Variants in ALK observed in about 807,000 individuals in gnomAD.
ALK encodes ALK tyrosine kinase receptor.
Under a neutral mutation model 163.1 loss-of-function variants are expected in ALK, and 74 were observed. The ratio of observed to expected loss-of-function variants is 0.45; its 90% CI spans 0.38 to 0.55. ALK has a LOEUF of 0.55. Among genes scored for constraint, ALK ranks in the 20% least tolerant of loss-of-function variants. ALK has a pLI of 0.00. For missense variants in ALK, 2,063 were observed against 2,105.3 expected, an observed-to-expected ratio of 0.98 and a Z score of 0.39; for synonymous variants, 960 against 843.2, an observed-to-expected ratio of 1.14 and a Z score of -2.40.
At chr2:29,846,757 A>G (rs974660895) in intron 1 of ALK, among the ~76,000 whole-genome samples, 4 of 152,230 alleles carry the variant, frequency 2.6e-5, no homozygotes, top group African/African-American at 9.6e-5. Context: ...CATATTAGCC[A>G]CACTTGTTGA....
At chr2:29,883,073 CAG>C (rs1051145289) in intron 1 of ALK, among the ~76,000 whole-genome samples, 1 of 138,602 alleles carries the variant, frequency 7.2e-6, no homozygotes, top group African/African-American at 2.7e-5. Flanking sequence ...AGAGAGACGA[CAG>C]AGAGAGGAAG....
intron 3 of ALK, among the ~76,000 whole-genome samples, chr2:29,593,039 C>A (rs1675106024): frequency 6.6e-6 from 1 of 152,208 alleles, no homozygotes; most frequent in Non-Finnish European, 1.5e-5. Flanking sequence ...TAGCACATGG[C>A]CTGAAGCAAA....
At chr2:29,575,199 G>A (rs1289229936) in intron 3 of ALK, among the ~76,000 whole-genome samples, 3 of 152,102 alleles carry the variant, frequency 2.0e-5, no homozygotes, top group East Asian at 1.9e-4. Context: ...ACGGTGTTGC[G>A]GGGGGAGGTG....
intron 3 of ALK, among the ~76,000 whole-genome samples, chr2:29,556,649 G>T (rs1673870309): frequency 6.6e-6 from 1 of 152,174 alleles, no homozygotes; most frequent in South Asian, 2.1e-4. Context: ...AAGCCTTAGG[G>T]TTTTGCTATT....
intron 4 of ALK, among the ~76,000 whole-genome samples, chr2:29,391,052 G>C (rs377740270): frequency 9.9e-5 from 15 of 152,100 alleles, no homozygotes; most frequent in Admixed American, 3.3e-4. Context: ...GGCTCTGTAG[G>C]GGGGGCCAAG....
At chr2:29,700,607 AGTGTGTGTGCACACACCTGCAT>A (rs918012431) in intron 2 of ALK, among the ~76,000 whole-genome samples, 1 of 152,120 alleles carries the variant, frequency 6.6e-6, no homozygotes, top group Non-Finnish European at 1.5e-5. Flanking sequence ...TGAACGAGTG[AGTGTGTGTGCACACACCTGCAT>A]GTGTGTGTGT....
intron 4 of ALK, among the ~76,000 whole-genome samples, chr2:29,471,139 A>T (rs1392125315): frequency 6.6e-6 from 1 of 152,192 alleles, no homozygotes; most frequent in Admixed American, 6.5e-5. Flanking sequence ...TGTTAATAGG[A>T]TATATAATTA....
At chr2:29,722,595 T>C (rs1030260120) in intron 1 of ALK, among the ~76,000 whole-genome samples, 1 of 152,242 alleles carries the variant, frequency 6.6e-6, no homozygotes, top group African/African-American at 2.4e-5. Context: ...TGTTAAAAGT[T>C]GAAGAACTTG....
chr2:29,670,101 C>T (rs1165183976), intron 3 of ALK, among the ~76,000 whole-genome samples: 1 of 152,000 alleles, frequency 6.6e-6, no homozygotes, highest in African/African-American at 2.4e-5. Flanking sequence ...CTTAATTTTA[C>T]CAGTGGGTTT....
chr2:29,403,922 T>A (rs552369765), intron 4 of ALK, among the ~76,000 whole-genome samples: 37 of 151,138 alleles, frequency 2.4e-4, no homozygotes, highest in South Asian at 6.3e-4. Context: ...AAAAAAAAAA[T>A]TTTTTTATTG....
chr2:29,876,673 GTAA>G (rs1666725572), intron 1 of ALK, among the ~76,000 whole-genome samples: 1 of 129,876 alleles, frequency 7.7e-6, no homozygotes, highest in Non-Finnish European at 1.6e-5. Flanking sequence ...GGTGATGATG[GTAA>G]CGATGGTGAT....
At chr2:29,757,780 A>T (rs1430703603) in intron 1 of ALK, among the ~76,000 whole-genome samples, 1 of 152,088 alleles carries the variant, frequency 6.6e-6, no homozygotes, top group Non-Finnish European at 1.5e-5. Flanking sequence ...CCTCTGTGGC[A>T]TATTCTGGTT....
chr2:29,353,924 C>CAA (rs1425355358), intron 5 of ALK, among the ~76,000 whole-genome samples: 1 of 152,150 alleles, frequency 6.6e-6, no homozygotes, highest in Non-Finnish European at 1.5e-5. Flanking sequence ...TGTTGAGACT[C>CAA]AAAGGTAGGA....
At chr2:29,310,997 C>G (rs1378821660) in intron 8 of ALK, among the ~76,000 whole-genome samples, 1 of 152,194 alleles carries the variant, frequency 6.6e-6, no homozygotes, top group African/African-American at 2.4e-5. Flanking sequence ...TTGGAAAATG[C>G]CTCGAGAACC....
At chr2:29,754,691 AAATAAT>A (rs538943293) in intron 1 of ALK, among the ~76,000 whole-genome samples, 45 of 151,616 alleles carry the variant, frequency 3.0e-4, no homozygotes, top group Admixed American at 6.6e-4. Flanking sequence ...CCCTGTCTCA[AAATAAT>A]AATAATAATA....
At chr2:29,640,494 T>C (rs1243273154) in intron 3 of ALK, among the ~76,000 whole-genome samples, 1 of 152,176 alleles carries the variant, frequency 6.6e-6, no homozygotes, top group Non-Finnish European at 1.5e-5. Context: ...CTGCCATGAT[T>C]GTAAGTTTCC....
intron 3 of ALK, among the ~76,000 whole-genome samples, chr2:29,612,896 C>A (rs1460675540): frequency 6.6e-6 from 1 of 152,148 alleles, no homozygotes; most frequent in East Asian, 1.9e-4. Context: ...TTCCAGACTA[C>A]ATAACACCTT....
At chr2:29,568,649 T>A (rs1206723079) in intron 3 of ALK, among the ~76,000 whole-genome samples, 2 of 152,186 alleles carry the variant, frequency 1.3e-5, no homozygotes, top group Non-Finnish European at 1.5e-5. Flanking sequence ...GCTCACTAAC[T>A]GCAGAACCTC....
rs1292761264 is a variant in ALK, at chr2:29,919,987, G to C, written c.667+6C>G. 6.2e-7 allele frequency: 1 copy of C among 1,612,972 alleles called. No homozygotes were observed. The highest frequency in any genetic ancestry group is 8.5e-7 in the Non-Finnish European group (1 of 1,179,250). ...ATCCCGGCACACTCAGGCGGGAGCT[G>C]CTCACCAGTCCCGAAGATCTGGAAG... On this transcript the variant is annotated splice_donor_region_variant and intron_variant, in intron 1 of 28. Transcript: ENST00000389048.
Sources: gnomAD v4.1 joint callset for allele counts (sites outside exome capture counted in the v4.1 genomes callset) on GRCh38, gnomAD v4.1.1 for gene constraint, MANE v1.5 for transcripts, NCBI Gene and HGNC (gene_info 2026-07-23, HGNC 2026-07-21) for gene names.